Variants in CYP7B1 observed in about 807,000 individuals in gnomAD.
CYP7B1 encodes cytochrome P450 7B1.
A neutral mutation model predicts 42.7 loss-of-function variants in CYP7B1; 29 were observed. The observed-to-expected ratio is 0.68, with a 90% CI of 0.51 to 0.93. The LOEUF (loss-of-function observed/expected upper bound fraction) is 0.93. Among genes scored for constraint, CYP7B1 ranks in the 40% least tolerant of loss-of-function variants. The probability of loss-of-function intolerance (pLI) is 0.00; values close to 1 mark genes in which losing one functional copy is unlikely to be tolerated. For synonymous variants in CYP7B1, 235 were observed against 218.2 expected (o/e 1.08, Z -0.68); for missense variants, 655 against 600.5 (o/e 1.09, Z -0.95).
At chr8:64,644,133 T>C (rs532847872) in intron 1 of CYP7B1, among the ~76,000 whole-genome samples, 91 of 152,068 alleles carry the variant, frequency 6.0e-4, no homozygotes, top group African/African-American at 1.6e-3. Flanking sequence ...ATTAGCCGGG[T>C]GTGGTGGTGC....
intron 1 of CYP7B1, among the ~76,000 whole-genome samples, chr8:64,770,666 G>A (rs114963587): frequency 0.015 from 2,327 of 152,162 alleles, 69 homozygotes; most frequent in African/African-American, 0.051. Flanking sequence ...CTTGAGAGTG[G>A]CAGCCAGCCA....
chr8:64,767,272 T>C (rs777981838), intron 1 of CYP7B1, among the ~76,000 whole-genome samples: 13 of 152,220 alleles, frequency 8.5e-5, no homozygotes, highest in Non-Finnish European at 1.5e-4. Context: ...AGATTATTAT[T>C]GGCAGTACAG....
intron 1 of CYP7B1, among the ~76,000 whole-genome samples, chr8:64,662,741 C>T (rs564263922): frequency 1.2e-4 from 19 of 152,220 alleles, no homozygotes; most frequent in Non-Finnish European, 1.9e-4. Flanking sequence ...CTTACCACAA[C>T]GCTACAAGAT....
At chr8:64,685,961 C>T (rs866431126) in intron 1 of CYP7B1, among the ~76,000 whole-genome samples, 1 of 28,484 alleles carries the variant, frequency 3.5e-5, no homozygotes. Context: ...CCGCCCCTTC[C>T]GGGAGGTGAG....
At chr8:64,764,633 T>C (rs562176271) in intron 1 of CYP7B1, among the ~76,000 whole-genome samples, 1 of 152,246 alleles carries the variant, frequency 6.6e-6, no homozygotes, top group African/African-American at 2.4e-5. Context: ...TATCAAAAAT[T>C]CTTAACCCAG....
intron 1 of CYP7B1, among the ~76,000 whole-genome samples, chr8:64,767,284 A>C (rs1311297206): frequency 1.3e-5 from 2 of 152,164 alleles, no homozygotes; most frequent in Non-Finnish European, 2.9e-5. Context: ...GCAGTACAGA[A>C]ACCTAAAGAA....
At chr8:64,724,000 T>G (rs577383019) in intron 1 of CYP7B1, among the ~76,000 whole-genome samples, 3 of 151,828 alleles carry the variant, frequency 2.0e-5, no homozygotes, top group Admixed American at 2.0e-4. Context: ...CATACATGGG[T>G]GTATAAACAA....
At chr8:64,689,698 C>G (rs1009901169) in intron 1 of CYP7B1, among the ~76,000 whole-genome samples, 1 of 152,012 alleles carries the variant, frequency 6.6e-6, no homozygotes, top group Non-Finnish European at 1.5e-5. Context: ...TCCTGAGTAG[C>G]TGGAATTACA....
At chr8:64,765,210 C>A (rs1807953703) in intron 1 of CYP7B1, among the ~76,000 whole-genome samples, 1 of 152,040 alleles carries the variant, frequency 6.6e-6, no homozygotes, top group South Asian at 2.1e-4. Context: ...CCTAAATCTA[C>A]AAGGTTTTCA....
intron 1 of CYP7B1, among the ~76,000 whole-genome samples, chr8:64,721,595 G>A (rs977759538): frequency 6.6e-6 from 1 of 152,238 alleles, no homozygotes; most frequent in African/African-American, 2.4e-5. Flanking sequence ...CAGTATTAGC[G>A]ATAGGACTTT....
intron 1 of CYP7B1, among the ~76,000 whole-genome samples, chr8:64,687,593 GC>G (rs1309611991): frequency 9.2e-5 from 14 of 152,100 alleles, no homozygotes; most frequent in Non-Finnish European, 4.4e-5. Flanking sequence ...AATTTAAAAT[GC>G]CCCAAACAAA....
At chr8:64,610,938 A>C (rs576451555) in intron 4 of CYP7B1, among the ~76,000 whole-genome samples, 2 of 152,284 alleles carry the variant, frequency 1.3e-5, no homozygotes, top group Admixed American at 1.3e-4. Flanking sequence ...GAATAAAAAT[A>C]ATACTTGACA....
intron 1 of CYP7B1, among the ~76,000 whole-genome samples, chr8:64,660,055 G>A (rs1806178790): frequency 6.6e-6 from 1 of 152,178 alleles, no homozygotes; most frequent in Non-Finnish European, 1.5e-5. Flanking sequence ...ACTTGTTTAT[G>A]AGCCAGGTAG....
At chr8:64,646,629 T>C (rs527556990) in intron 1 of CYP7B1, among the ~76,000 whole-genome samples, 4 of 152,234 alleles carry the variant, frequency 2.6e-5, no homozygotes, top group Non-Finnish European at 5.9e-5. Flanking sequence ...TTTGTGTACA[T>C]GGAAATTCTG....
At position 64,798,460 on chromosome 8, in the gene CYP7B1, G is replaced by T. The variant is rs1051714055; in HGVS notation, c.122+6C>A. Reference sequence around the variant, plus strand: ...GCATGCGTGGCCTGGCGGCCGAGGCGCTTACCTGGTGCGCCGGACAAGCAA... The same window carrying T: ...GCATGCGTGGCCTGGCGGCCGAGGCTCTTACCTGGTGCGCCGGACAAGCAA... On this transcript the variant is annotated splice_donor_region_variant and intron_variant, in intron 1 of 5. Transcript: ENST00000310193. 2 of 1,511,026 alleles carry T rather than the reference G, an allele frequency of 1.3e-6. No homozygotes were observed. The highest frequency in any genetic ancestry group is 1.4e-5 in the African/African-American group (1 of 69,754). 93.6% of individuals were successfully genotyped at this position (1,511,026 alleles called of 1,614,324 possible). A position where few individuals can be genotyped will look rare whatever the true frequency, so the allele number is the denominator to read the frequency against.
In CYP7B1 at chr8:64,733,148, C is replaced by T. The variant is rs1276364610; in HGVS notation, c.122+65318G>A. 4.6e-5 allele frequency among the ~76,000 whole-genome samples: 7 copies of T among 151,876 alleles called. 1 individual carries two copies. The highest frequency in any genetic ancestry group is 2.6e-4 in the Admixed American group (4 of 15,240). On this transcript the variant is annotated intron_variant, in intron 1 of 5. Coordinates refer to ENST00000310193, the MANE Select transcript of CYP7B1 (RefSeq NM_004820.5). ...AGAATGCACTAATACAATATGTATGCACACACACACACATATATAGAGAAC... is the reference window on the plus strand; with the variant it reads ...AGAATGCACTAATACAATATGTATGTACACACACACACATATATAGAGAAC...
intron 1 of CYP7B1, 70 bp downstream of exon 1, chr8:64,798,396 T>C: frequency 2.1e-6 from 3 of 1,434,002 alleles, no homozygotes; most frequent in Non-Finnish European, 2.7e-6. Context: ...GGGACTCCCC[T>C]CGCCATCTGG....
intron 1 of CYP7B1, among the ~76,000 whole-genome samples, chr8:64,745,119 A>T (rs1433158028): frequency 6.6e-6 from 1 of 152,214 alleles, no homozygotes; most frequent in African/African-American, 2.4e-5. Context: ...AGATATTAGC[A>T]TGCATGCAAT....
At chr8:64,781,466 T>C (rs977604610) in intron 1 of CYP7B1, among the ~76,000 whole-genome samples, 1 of 152,156 alleles carries the variant, frequency 6.6e-6, no homozygotes, top group African/African-American at 2.4e-5. Flanking sequence ...AATTCCTTTC[T>C]GGAGGCTCCA....
Sources: gnomAD v4.1 joint callset for allele counts (sites outside exome capture counted in the v4.1 genomes callset) on GRCh38, gnomAD v4.1.1 for gene constraint, MANE v1.5 for transcripts, NCBI Gene and HGNC (gene_info 2026-07-23, HGNC 2026-07-21) for gene names.